The following CACNA1G variants were observed in gnomAD, a reference collection of about 807,000 sequenced individuals.
CACNA1G encodes calcium voltage-gated channel subunit alpha1 G.
Under a neutral mutation model 219.4 loss-of-function variants are expected in CACNA1G, and 67 were observed. That is an observed-to-expected ratio of 0.31 (90% CI 0.25 to 0.37). CACNA1G has a LOEUF of 0.37. CACNA1G is among the 10% of genes least tolerant of loss of function. CACNA1G has a pLI of 1.00. For synonymous variants in CACNA1G, 1,296 were observed against 1,345.3 expected (o/e 0.96, Z 0.80); for missense variants, 2,380 against 3,231.4 (o/e 0.74, Z 6.39).
At position 50,600,899 on chromosome 17, in the gene CACNA1G, T is replaced by G. The variant is rs60341739; in HGVS notation, c.3791+73T>G. ...CACGGGAAATTACCGCTGGTGATGC[T>G]GTCAGGGATTTGAGAAGTGGCACCC... On this transcript the variant is annotated intron_variant, in intron 18 of 37. Transcript: ENST00000359106. This position sits in a 1 kb window ranked among gnomAD's most constrained non-coding sequence, Gnocchi z 4.1. 1.4e-3 allele frequency: 2,245 copies of G among 1,566,838 alleles called. 35 individuals are homozygous for G. In the African/African-American group the frequency reaches 0.027, roughly 19 times the overall value.
rs758910907 is a variant in CACNA1G, at chr17:50,596,572, A to G, written c.2990A>G (p.Asn997Ser). 190 of 1,613,922 alleles carry G rather than the reference A, an allele frequency of 1.2e-4. No individual in the cohort carries two copies. In the Middle Eastern group the frequency reaches 1.5e-3, roughly 13 times the overall value. ...GCTCCCCTGCCCTAGGGAGATGCCA[A>G]CAAGTCCGAATCAGAGCCCGATTTC... ...LPVDSQGGDANKSESEPDFFS... is the reference protein window; with the variant it reads ...LPVDSQGGDASKSESEPDFFS... The change falls in exon 15 of 38, where the codon AAC (asparagine) becomes AGC (serine). Residue 997 changes from asparagine (N) to serine (S), a missense_variant. By Grantham distance (46) the Asn-to-Ser change is conservative (BLOSUM62 1). Transcript: ENST00000359106. This position sits in a 1 kb window ranked among gnomAD's most constrained non-coding sequence, Gnocchi z 4.8.
intron 9 of CACNA1G, among the ~76,000 whole-genome samples, chr17:50,579,747 G>C (rs1010517971): frequency 6.6e-6 from 1 of 152,136 alleles, no homozygotes; most frequent in East Asian, 1.9e-4. Context: ...TCCCAATCAG[G>C]AGCAGAGGCG....
Position 50,626,338 on chromosome 17 carries a change from C to T in CACNA1G, c.6721C>T (p.Arg2241Trp), listed in dbSNP as rs372274867. Residue 2241 changes from arginine to tryptophan, a missense_variant, in exon 38 of 38, where the codon CGG (arginine) becomes TGG (tryptophan). Physicochemically the swap from Arg to Trp is moderately radical, Grantham distance 101. Transcript: ENST00000359106. This position sits in a 1 kb window ranked among gnomAD's most constrained non-coding sequence, Gnocchi z 4.3. ...CGGCCAGGAGGAGCCCCCATCCCCA[C>T]GGGACCTGAAGAAGTGCTACAGCGT... ...PGGQEEPPSP[R>W]DLKKCYSVEA... is the part of the protein sequence containing the mutation. 57 of 1,613,074 alleles carry T rather than the reference C, an allele frequency of 3.5e-5. No individual in the cohort carries two copies. Among genetic ancestry groups the T allele is most frequent in the South Asian group, 3.1e-4 (28 of 91,080 alleles).
intron 27 of CACNA1G, 26 bp from the exon 28 acceptor site, chr17:50,616,249 C>T: frequency 6.9e-7 from 1 of 1,452,520 alleles, no homozygotes; most frequent in South Asian, 1.1e-5. Flanking sequence ...TTAAGGGACC[C>T]TGCATCTTGC....
At chr17:50,586,632 A>C (rs908510746) in intron 9 of CACNA1G, among the ~76,000 whole-genome samples, 12 of 152,180 alleles carry the variant, frequency 7.9e-5, no homozygotes, top group African/African-American at 2.9e-4. Flanking sequence ...TTTGTTCTGT[A>C]GAGCAGCCTC....
Position 50,561,062 on chromosome 17 carries a change from G to T in CACNA1G, c.-398G>T. The T allele has an allele frequency of 3.0e-6, 1 of 333,688 alleles. No homozygotes were observed. The highest frequency in any genetic ancestry group is 5.9e-6 in the Non-Finnish European group (1 of 170,060). The allele number at this position is 333,688 out of a possible 1,614,324, so 20.7% of individuals were successfully genotyped here. On this transcript the variant is annotated 5_prime_UTR_variant, in exon 1 of 38. Coordinates refer to ENST00000359106, the MANE Select transcript of CACNA1G (RefSeq NM_018896.5). ...GCGGGAAGAGGGGGCGCCCCTCCCC[G>T]GACCCCCGCCCTCCGCCGCTGCCCC... is the stretch of plus-strand genomic sequence containing the variant.
intron 36 of CACNA1G, 93 bp from the exon 37 acceptor site, chr17:50,624,267 G>A (rs1402412006): frequency 1.6e-6 from 2 of 1,283,800 alleles, no homozygotes; most frequent in Non-Finnish European, 2.2e-6. Flanking sequence ...GGGGGAGAGA[G>A]TGGAAGGGAG....
chr17:50,594,947 G>A (rs369927252), intron 13 of CACNA1G, 46 bp from the exon 14 acceptor site: 3 of 1,465,108 alleles, frequency 2.0e-6, no homozygotes, highest in Middle Eastern at 1.7e-4. Flanking sequence ...AAGGCCCCGA[G>A]CGCCTGTGAC....
chr17:50,591,869 G>A lies in CACNA1G; in HGVS notation c.2754+16G>A, dbSNP rs1486024809. On this transcript the variant is annotated intron_variant, in intron 12 of 37. Transcript: ENST00000359106. The stretch of plus-strand genomic sequence containing the variant: ...TGTCTTTCAGGTGCGAGGGTAACAG[G>A]GCAGGGCGTGGACAGGGGCCGTCAG... The A allele has an allele frequency of 6.2e-7, 1 of 1,613,738 alleles. No individual in the cohort carries two copies. Among genetic ancestry groups the A allele is most frequent in the Admixed American group, 1.7e-5 (1 of 60,022 alleles).
chr17:50,618,970 G>A lies in CACNA1G; in HGVS notation c.5743G>A (p.Ala1915Thr), dbSNP rs1430022466. The A allele has an allele frequency of 5.8e-6, 9 of 1,550,572 alleles. No homozygotes were observed. The Admixed American group carries it at 7.6e-5, about 13-fold the overall frequency. ...TGGGGCTCTGCACCCAGCGGCCCAC[G>A]CGAGATCAGCCTCCCACTTTTCCCT... The part of the protein sequence containing the change: ...KPGALHPAAH[A>T]RSASHFSLEH... The change falls in exon 33 of 38, where the codon GCG (alanine) becomes ACG (threonine). Residue 1915 changes from alanine (A) to threonine (T), a missense_variant. Physicochemically the swap from Ala to Thr is moderately conservative, Grantham distance 58 (BLOSUM62 0). Transcript: ENST00000359106. This position sits in a 1 kb window ranked among gnomAD's most constrained non-coding sequence, Gnocchi z 5.3.
At chr17:50,594,963 G>T in intron 13 of CACNA1G, 30 bp from the exon 14 acceptor site, 1 of 1,541,702 alleles carries the variant, frequency 6.5e-7, no homozygotes, top group Non-Finnish European at 8.8e-7. Context: ...GTGACCAGCA[G>T]CCCTCCCCTG....
At chr17:50,601,955 G>C (rs1166235346) in intron 19 of CACNA1G, among the ~76,000 whole-genome samples, 1 of 152,248 alleles carries the variant, frequency 6.6e-6, no homozygotes, top group East Asian at 1.9e-4. Flanking sequence ...TTCTATTAGG[G>C]TCGGGGTGGA....
intron 22 of CACNA1G, among the ~76,000 whole-genome samples, chr17:50,604,555 C>A (rs1471264265): frequency 3.9e-5 from 6 of 152,370 alleles, no homozygotes; most frequent in Admixed American, 3.9e-4. Flanking sequence ...TGCACGCACT[C>A]CCTGAGCACA....
At chr17:50,607,779 C>A in intron 24 of CACNA1G, 48 bp from the exon 25 acceptor site, 1 of 1,552,658 alleles carries the variant, frequency 6.4e-7, no homozygotes, top group Non-Finnish European at 8.9e-7. Context: ...CCTAAGACAG[C>A]TTGCCCTCGG....
chr17:50,619,148 C>G, intron 33 of CACNA1G, 140 bp downstream of exon 33: 1 of 660,062 alleles, frequency 1.5e-6, no homozygotes, highest in Non-Finnish European at 2.5e-6. Context: ...GGATGCTGAG[C>G]GAGCAGTCAC....
chr17:50,604,310 G>A, intron 22 of CACNA1G, 29 bp downstream of exon 22: 3 of 1,609,240 alleles, frequency 1.9e-6, no homozygotes, highest in Non-Finnish European at 1.7e-6. Flanking sequence ...GCCAGCTGTG[G>A]GTGAAAGCCT....
rs1162840600 is a variant in CACNA1G at position 50,621,834 on chromosome 17, G to T, written c.6060+40G>T. ...CCCTCACTGCTCCCGGCCACCCCCGGGGCTGGACTGGCTGCAGGGCTCCAG... is the reference window on the plus strand; with the variant it reads ...CCCTCACTGCTCCCGGCCACCCCCGTGGCTGGACTGGCTGCAGGGCTCCAG... On this transcript the variant is annotated intron_variant, in intron 35 of 37. Transcript: ENST00000359106. The surrounding 1 kb of genome is among the most constrained non-coding windows in gnomAD (Gnocchi z 4.6). 3 of 1,608,628 alleles carry T rather than the reference G, an allele frequency of 1.9e-6. No homozygotes were observed. The highest frequency in any genetic ancestry group is 2.5e-6 in the Non-Finnish European group (3 of 1,178,650).
intron 1 of CACNA1G, among the ~76,000 whole-genome samples, chr17:50,565,294 T>G (rs1333634192): frequency 1.3e-5 from 2 of 151,446 alleles, no homozygotes; most frequent in African/African-American, 4.8e-5. Flanking sequence ...GAGCTTCAGT[T>G]TTCAATTCAG....
intron 10 of CACNA1G, 107 bp from the exon 11 acceptor site, chr17:50,591,328 C>G: frequency 8.7e-7 from 1 of 1,152,524 alleles, no homozygotes; most frequent in Admixed American, 3.0e-5. Context: ...CATTTTCTCT[C>G]GACGTGCCCA....
Sources: allele counts gnomAD v4.1 joint callset (sites outside exome capture counted in the v4.1 genomes callset), GRCh38; gene constraint gnomAD v4.1.1; non-coding constraint Gnocchi (gnomAD v3.1); transcripts MANE v1.5; gene names NCBI Gene and HGNC (gene_info 2026-07-23, HGNC 2026-07-21).